Variants in SGCD observed in about 807,000 individuals in gnomAD.
SGCD encodes the protein delta-sarcoglycan.
In SGCD, 18 loss-of-function variants were observed where a neutral mutation model predicts 36.6. That is an observed-to-expected ratio of 0.49 (90% CI 0.34 to 0.73). The LOEUF is 0.73. SGCD is among the 30% of genes least tolerant of loss of function. SGCD has a pLI of 0.01. For synonymous variants in SGCD, 133 were observed against 130.6 expected, an observed-to-expected ratio of 1.02 and a Z score of -0.12; for missense variants, 387 against 346.7, an observed-to-expected ratio of 1.12 and a Z score of -0.92.
the SGCD span, among the ~76,000 whole-genome samples, chr5:155,747,842 C>T: frequency 6.6e-5 from 10 of 152,160 alleles, no homozygotes; most frequent in East Asian, 1.9e-4. Context: ...TTATCCTTGA[C>T]GTTTCTCAAG....
the SGCD span, among the ~76,000 whole-genome samples, chr5:155,857,366 G>C: frequency 6.6e-6 from 1 of 152,142 alleles, no homozygotes; most frequent in African/African-American, 2.4e-5. Context: ...CTTTGCTATG[G>C]ACAAAATTGG....
chr5:155,770,837 A>C, the SGCD span, among the ~76,000 whole-genome samples: 2 of 152,148 alleles, frequency 1.3e-5, no homozygotes, highest in Non-Finnish European at 2.9e-5. Flanking sequence ...AGTTCATAAA[A>C]AGGTAACTTT....
chr5:156,428,039 G>A (rs1327960716), intron 3 of SGCD, among the ~76,000 whole-genome samples: 3 of 152,068 alleles, frequency 2.0e-5, no homozygotes, highest in East Asian at 3.9e-4. Context: ...TTAAGGTGAT[G>A]CTGGCTTCAT....
chr5:156,507,347 C>T (rs1291711974), intron 3 of SGCD, among the ~76,000 whole-genome samples: 2 of 152,108 alleles, frequency 1.3e-5, no homozygotes, highest in Non-Finnish European at 2.9e-5. Context: ...GGCCATGAGC[C>T]CAGGAGCCAG....
At chr5:155,913,455 T>G (rs1756673193) in intron 1 of SGCD, among the ~76,000 whole-genome samples, 1 of 151,356 alleles carries the variant, frequency 6.6e-6, no homozygotes, top group Non-Finnish European at 1.5e-5. Context: ...TTTGGAACCT[T>G]TTAGGGAACC....
At chr5:156,411,438 A>T (rs1158492603) in intron 3 of SGCD, among the ~76,000 whole-genome samples, 3 of 152,188 alleles carry the variant, frequency 2.0e-5, no homozygotes, top group Non-Finnish European at 2.9e-5. Context: ...GTTCAGGGTT[A>T]TTATCCCCCA....
At chr5:156,260,178 A>T (rs987851712) in intron 3 of SGCD, among the ~76,000 whole-genome samples, 1 of 152,212 alleles carries the variant, frequency 6.6e-6, no homozygotes, top group Non-Finnish European at 1.5e-5. Context: ...CTTTAAATAA[A>T]ATAGCATATG....
chr5:156,482,297 T>G (rs1755466758), intron 3 of SGCD, among the ~76,000 whole-genome samples: 1 of 151,930 alleles, frequency 6.6e-6, no homozygotes, highest in African/African-American at 2.4e-5. Context: ...ATATAGAAGA[T>G]GCTTAAATCT....
chr5:156,747,444 T>C (rs969431956), intron 7 of SGCD, among the ~76,000 whole-genome samples: 19 of 152,186 alleles, frequency 1.2e-4, no homozygotes, highest in Middle Eastern at 3.2e-3. Flanking sequence ...GCAGTGATCT[T>C]ACCAAACGCT....
At chr5:155,760,149 A>G in the SGCD span, among the ~76,000 whole-genome samples, 3 of 150,234 alleles carry the variant, frequency 2.0e-5, no homozygotes, top group East Asian at 6.0e-4. Flanking sequence ...CACCCTCTCT[A>G]TCATCCTCAC....
At chr5:156,403,416 C>G (rs1772252859) in intron 3 of SGCD, among the ~76,000 whole-genome samples, 1 of 152,186 alleles carries the variant, frequency 6.6e-6, no homozygotes, top group Non-Finnish European at 1.5e-5. Flanking sequence ...AATCTCAACT[C>G]TGCTCCATAT....
At chr5:156,481,833 G>T (rs1755443767) in intron 3 of SGCD, among the ~76,000 whole-genome samples, 2 of 152,158 alleles carry the variant, frequency 1.3e-5, no homozygotes, top group African/African-American at 4.8e-5. Flanking sequence ...CCAAGGATTT[G>T]CTTTCTCTAC....
At chr5:156,691,206 CAA>C (rs58947494) in intron 7 of SGCD, among the ~76,000 whole-genome samples, 5 of 61,860 alleles carry the variant, frequency 8.1e-5, no homozygotes, top group African/African-American at 2.1e-4. Context: ...GACTCTGTCT[CAA>C]AAAAAAAAAA....
At chr5:156,566,102 G>C (rs1759468257) in intron 4 of SGCD, among the ~76,000 whole-genome samples, 1 of 152,092 alleles carries the variant, frequency 6.6e-6, no homozygotes, top group Non-Finnish European at 1.5e-5. Context: ...AAAAAGCTCA[G>C]CATCACTGGT....
intron 3 of SGCD, among the ~76,000 whole-genome samples, chr5:156,144,816 A>G (rs916758983): frequency 6.6e-6 from 1 of 152,138 alleles, no homozygotes; most frequent in African/African-American, 2.4e-5. Flanking sequence ...GGGAGTATTT[A>G]CCCAATGCCT....
At chr5:156,278,422 G>A (rs545587984) in intron 3 of SGCD, among the ~76,000 whole-genome samples, 1 of 152,308 alleles carries the variant, frequency 6.6e-6, no homozygotes, top group South Asian at 2.1e-4. Context: ...ACTTGGAAAT[G>A]TATCACTGAA....
At chr5:156,582,821 GCACA>G (rs749556271) in intron 4 of SGCD, among the ~76,000 whole-genome samples, 59 of 150,666 alleles carry the variant, frequency 3.9e-4, no homozygotes, top group African/African-American at 1.1e-3. Flanking sequence ...ATGTGCACGC[GCACA>G]CACACACACA....
chr5:155,905,918 G>T (rs981458821), intron 1 of SGCD, among the ~76,000 whole-genome samples: 4 of 152,062 alleles, frequency 2.6e-5, no homozygotes, highest in African/African-American at 9.7e-5. Context: ...TTTTGGGAAT[G>T]TCTTTATCAG....
intron 4 of SGCD, among the ~76,000 whole-genome samples, chr5:156,535,774 T>C (rs999011944): frequency 2.6e-5 from 4 of 152,184 alleles, no homozygotes; most frequent in African/African-American, 4.8e-5. Context: ...TAAAACATTC[T>C]AGTAAATATT....
Sources: gnomAD v4.1 joint callset for allele counts (sites outside exome capture counted in the v4.1 genomes callset) on GRCh38, gnomAD v4.1.1 for gene constraint, MANE v1.5 for transcripts, NCBI Gene and HGNC (gene_info 2026-07-23, HGNC 2026-07-21) for gene names.